Variants in ZNF20 observed in about 807,000 individuals in gnomAD.
ZNF20 encodes zinc finger protein KOX13.
In ZNF20, 9 loss-of-function variants were observed where a neutral mutation model predicts 11.0. That is an observed-to-expected ratio of 0.82 (90% CI 0.49 to 1.43). The LOEUF is 1.43. ZNF20 is among the 40% of genes most tolerant of loss of function. The pLI, the probability that ZNF20 is intolerant of heterozygous loss-of-function variation, is 0.00. For synonymous variants in ZNF20, 182 were observed against 213.0 expected (o/e 0.85, Z 1.27); for missense variants, 528 against 640.8 (o/e 0.82, Z 1.90).
In ZNF20 at chr19:12,140,251, C is replaced by T. The variant is rs750141090; in HGVS notation, c.-69G>A. 6.4e-7 allele frequency: 1 copy of T among 1,572,558 alleles called. No homozygotes were observed. The highest frequency in any genetic ancestry group is 1.4e-5 in the African/African-American group (1 of 73,942). ...TGAATAGTGCGGGTCACGGTGCAGG[C>T]GGCAGAGCGACAGAAGTTGTGGCAG... On this transcript the variant is annotated 5_prime_UTR_variant, in exon 1 of 4. Coordinates refer to ENST00000334213, the MANE Select transcript of ZNF20 (RefSeq NM_021143.4).
rs1218830575 is a variant in ZNF20 at position 12,135,845 on chromosome 19, C to T, written c.63G>A (p.Trp21Ter). The part of the protein sequence containing the change: ...DVAVSFTQEE[W>*]ALLDPSQKNL... The stretch of plus-strand genomic sequence containing the variant: ...TCTTCTGGGAAGGATCCAGCAAAGC[C>T]CACTCCTCCTGGGTGAAGCTGACAG... Residue 21 changes from tryptophan (W) to a stop codon, truncating the protein, a stop_gained, in exon 2 of 4, where the codon TGG becomes TGA. Transcript: ENST00000334213. LOFTEE classifies it high-confidence loss of function. The T allele has an allele frequency of 6.2e-7, 1 of 1,613,984 alleles. No homozygotes were observed. Among genetic ancestry groups the T allele is most frequent in the African/African-American group, 1.3e-5 (1 of 74,906 alleles).
chr19:12,135,484 T>G lies in ZNF20; in HGVS notation c.200+16A>C. 1 of 1,613,156 alleles carries G rather than the reference T, an allele frequency of 6.2e-7. No individual in the cohort carries two copies. Among genetic ancestry groups the G allele is most frequent in the Non-Finnish European group, 8.5e-7 (1 of 1,179,316 alleles). On this transcript the variant is annotated intron_variant, in intron 3 of 3. Transcript: ENST00000334213. ...ATTTTCTAGAGGCATTGCCTTGTCT[T>G]GCGAGAGAAAATTACCTTAGATTTC...
rs1328244976 is a variant in ZNF20, at chr19:12,131,802, T to C, written c.*785A>G. ...TTCTAAAATACATGAACAGAAGTAT[T>C]TGTTGCCAAGAAACCGCATTAGTGT... On this transcript the variant is annotated 3_prime_UTR_variant, in exon 4 of 4. Coordinates refer to ENST00000334213, the MANE Select transcript of ZNF20 (RefSeq NM_021143.4). 1 of 152,252 alleles carries C rather than the reference T, an allele frequency of 6.6e-6. No individual in the cohort carries two copies. The highest frequency in any genetic ancestry group is 1.5e-5 in the Non-Finnish European group (1 of 68,044). The allele number at this position is 152,252 out of a possible 1,614,324, so 9.4% of individuals were successfully genotyped here.
chr19:12,135,063 T>C (rs1377563241), intron 3 of ZNF20, among the ~76,000 whole-genome samples: 2 of 152,166 alleles, frequency 1.3e-5, no homozygotes, highest in Admixed American at 1.3e-4. Context: ...TTTAAACATA[T>C]GTTTTTAGGA....
intron 1 of ZNF20, 47 bp from the exon 2 acceptor site, chr19:12,135,951 C>T: frequency 6.3e-7 from 1 of 1,595,912 alleles, no homozygotes; most frequent in Non-Finnish European, 8.5e-7. Context: ...CCCTGGAGGC[C>T]TATACTTTAT....
rs780031016 is a variant in ZNF20, at chr19:12,135,755, ATT to A, written c.139+12_139+13del. The stretch of plus-strand genomic sequence containing the variant: ...GTTCTCTAATTCACTGGGAAGTAAT[ATT>A]GTCATTCTTACCTACAGAGGTCAGG... On this transcript the variant is annotated intron_variant, in intron 2 of 3. Coordinates refer to ENST00000334213, the MANE Select transcript of ZNF20 (RefSeq NM_021143.4). The A allele has an allele frequency of 1.2e-6, 2 of 1,612,904 alleles. No homozygotes were observed. Among genetic ancestry groups the A allele is most frequent in the Admixed American group, 3.4e-5 (2 of 59,600 alleles).
Position 12,132,599 on chromosome 19 carries a change from G to A in ZNF20, c.1587C>T (p.Thr529=), listed in dbSNP as rs1976640183. The change falls in exon 4 of 4, where the codon ACC becomes ACT. Residue 529 remains threonine (T), a synonymous_variant. Coordinates refer to ENST00000334213, the MANE Select transcript of ZNF20 (RefSeq NM_021143.4). ...SSCREHERTH[T]INR ...CTAAAAGGATTTCTCATCTATTAAT[G>A]GTATGAGTTCTTTCATGTTCTCGAC... is the stretch of plus-strand genomic sequence containing the variant. 4 of 1,588,022 alleles carry A rather than the reference G, an allele frequency of 2.5e-6. No homozygotes were observed. In the East Asian group the frequency reaches 8.9e-5, roughly 36 times the overall value.
At chr19:12,134,126 C>A (rs1341923582) in intron 3 of ZNF20, 141 bp from the exon 4 acceptor site, 4 of 664,336 alleles carry the variant, frequency 6.0e-6, no homozygotes, top group Non-Finnish European at 9.7e-6. Context: ...GAGTTTGAGA[C>A]CATCCTGGCC....
At position 12,132,460 on chromosome 19, in the gene ZNF20, T is replaced by C. The variant is rs1450702222; in HGVS notation, c.*127A>G. On this transcript the variant is annotated 3_prime_UTR_variant, in exon 4 of 4. Transcript: ENST00000334213. ...AGTTCTTCTAGATTTTATTGTCCTA[T>C]CGCAAGTCTCTCTTCTCAATTCAAA... 18 of 937,820 alleles carry C rather than the reference T, an allele frequency of 1.9e-5. No homozygotes were observed. The highest frequency in any genetic ancestry group is 2.7e-5 in the Non-Finnish European group (17 of 626,402). The allele number at this position is 937,820 out of a possible 1,614,324, so 58.1% of individuals were successfully genotyped here.
In ZNF20 at chr19:12,139,760, G is replaced by C. The variant is rs1228279430; in HGVS notation, c.3+420C>G. Among the ~76,000 whole-genome samples the C allele has an allele frequency of 6.6e-6, 1 of 152,018 alleles. No individual in the cohort carries two copies. Among genetic ancestry groups the C allele is most frequent in the Non-Finnish European group, 1.5e-5 (1 of 68,000 alleles). On this transcript the variant is annotated intron_variant, in intron 1 of 3. Transcript: ENST00000334213. The surrounding 1 kb of genome is among the most constrained non-coding windows in gnomAD (Gnocchi z 4.0). ...TTAGCCTGGATGGTCTCGATCTCCT[G>C]ACTTCGTGATCCGCAAGCCTCGGCC...
At chr19:12,136,931 A>AGAGTTGCC in intron 1 of ZNF20, 1 of 409,864 alleles carries the variant, frequency 2.4e-6, no homozygotes, top group Admixed American at 3.1e-5. Flanking sequence ...AATTAATTCT[A>AGAGTTGCC]GAGTTGCCTG....
rs764313157 is a variant in ZNF20 at position 12,133,394 on chromosome 19, G to A, written c.792C>T (p.Phe264=). The part of the protein sequence containing the change: ...ADECKECGNA[F]SFPSEIRRHK... The stretch of plus-strand genomic sequence containing the variant: ...GTCTACGAATTTCACTAGGAAAACT[G>A]AATGCATTCCCACATTCTTTACATT... The change falls in exon 4 of 4, where the codon TTC becomes TTT. Residue 264 remains phenylalanine (F), a synonymous_variant. Coordinates refer to ENST00000334213, the MANE Select transcript of ZNF20 (RefSeq NM_021143.4). 6 of 1,614,154 alleles carry A rather than the reference G, an allele frequency of 3.7e-6. No individual in the cohort carries two copies. The highest frequency in any genetic ancestry group is 5.1e-6 in the Non-Finnish European group (6 of 1,179,994).
Position 12,132,947 on chromosome 19 carries a change from A to G in ZNF20, c.1239T>C (p.His413=), listed in dbSNP as rs748193345. ...VFKYFSSLRI[H]ERTHTGEKPH... Reference sequence around the variant, plus strand: ...GCTTCTCTCCAGTGTGCGTCCTTTCATGTATACGCAAGGAAGAAAAATACT... The same window carrying G: ...GCTTCTCTCCAGTGTGCGTCCTTTCGTGTATACGCAAGGAAGAAAAATACT... The change falls in exon 4 of 4, where the codon CAT becomes CAC. Residue 413 remains histidine, a synonymous_variant. Transcript: ENST00000334213. The G allele has an allele frequency of 1.2e-6, 2 of 1,613,978 alleles. No homozygotes were observed. The highest frequency in any genetic ancestry group is 3.3e-5 in the Admixed American group (2 of 59,990).
Position 12,140,317 on chromosome 19 carries a change from GACA to G in ZNF20, c.-138_-136del. On this transcript the variant is annotated 5_prime_UTR_variant, in exon 1 of 4. Transcript: ENST00000334213. ...CTCGGAGTAGGAAATCTGGTATCCC[GACA>G]ACAACCTGCATAGCAACAAAAGTAG... The G allele has an allele frequency of 8.9e-7, 1 of 1,128,240 alleles. No homozygotes were observed. Among genetic ancestry groups the G allele is most frequent in the East Asian group, 2.6e-5 (1 of 39,012 alleles). 69.9% of individuals were successfully genotyped at this position (1,128,240 alleles called of 1,614,324 possible).
rs753847435 is a variant in ZNF20, at chr19:12,133,397, T to C, written c.789A>G (p.Ala263=). ...TACGAATTTCACTAGGAAAACTGAA[T>C]GCATTCCCACATTCTTTACATTCAT... ...NADECKECGN[A]FSFPSEIRRH... is the part of the protein sequence containing the mutation. The change falls in exon 4 of 4, where the codon GCA becomes GCG. Residue 263 remains alanine (A), a synonymous_variant. Transcript: ENST00000334213. The C allele has an allele frequency of 1.9e-6, 3 of 1,614,184 alleles. No individual in the cohort carries two copies. Among genetic ancestry groups the C allele is most frequent in the East Asian group, 4.5e-5 (2 of 44,890 alleles).
At chr19:12,136,088 G>T (rs1050977195) in intron 1 of ZNF20, among the ~76,000 whole-genome samples, 184 bp from the exon 2 acceptor site, 2 of 152,064 alleles carry the variant, frequency 1.3e-5, no homozygotes, top group Non-Finnish European at 2.9e-5. Context: ...TAAGAGAGAG[G>T]GTCTTTGGCC....
rs774606561 is a variant in ZNF20 at position 12,132,593 on chromosome 19, A to AT, written c.1592dup (p.Asn531LysfsTer2). 1 of 1,580,614 alleles carries AT rather than the reference A, an allele frequency of 6.3e-7. No individual in the cohort carries two copies. The highest frequency in any genetic ancestry group is 1.4e-5 in the African/African-American group (1 of 73,376). The stretch of plus-strand genomic sequence containing the variant: ...CTTCCACTAAAAGGATTTCTCATCT[A>AT]TTAATGGTATGAGTTCTTTCATGTT... On this transcript the variant is annotated frameshift_variant, in exon 4 of 4. Transcript: ENST00000334213. LOFTEE classifies it high-confidence loss of function.
At chr19:12,135,436 G>A (rs1166415979) in intron 3 of ZNF20, 64 bp downstream of exon 3, 38 of 1,546,104 alleles carry the variant, frequency 2.5e-5, no homozygotes, top group South Asian at 5.6e-5. Flanking sequence ...CACTGTACCC[G>A]GCCTATTTTC....
At position 12,132,501 on chromosome 19, in the gene ZNF20, G is replaced by T; in HGVS notation, c.*86C>A. 1 of 1,361,418 alleles carries T rather than the reference G, an allele frequency of 7.3e-7. No homozygotes were observed. Among genetic ancestry groups the T allele is most frequent in the Non-Finnish European group, 1.0e-6 (1 of 1,000,046 alleles). The allele number at this position is 1,361,418 out of a possible 1,614,324, so 84.3% of individuals were successfully genotyped here. On this transcript the variant is annotated 3_prime_UTR_variant, in exon 4 of 4. Coordinates refer to ENST00000334213, the MANE Select transcript of ZNF20 (RefSeq NM_021143.4). ...TCAATTCAAAAAGCAGTTATCCAGA[G>T]GTTCTTTCACCACTCTCTTTTCTTG...
Sources: gnomAD v4.1 joint callset for allele counts (sites outside exome capture counted in the v4.1 genomes callset) on GRCh38, gnomAD v4.1.1 for gene constraint, Gnocchi (gnomAD v3.1) non-coding constraint, MANE v1.5 for transcripts, NCBI Gene and HGNC (gene_info 2026-07-23, HGNC 2026-07-21) for gene names.